The following ADAM23 variants were observed in gnomAD, a reference collection of about 807,000 sequenced individuals.
The protein encoded by ADAM23 is disintegrin and metalloproteinase domain-containing protein 23.
Under a neutral mutation model 120.1 loss-of-function variants are expected in ADAM23, and 33 were observed. That is an observed-to-expected ratio of 0.27 (90% CI 0.21 to 0.37). The LOEUF (loss-of-function observed/expected upper bound fraction) is 0.37. Among genes scored for constraint, ADAM23 ranks in the 10% least tolerant of loss-of-function variants. The pLI, the probability that ADAM23 is intolerant of heterozygous loss-of-function variation, is 1.00. For synonymous variants in ADAM23, 367 were observed against 375.2 expected (o/e 0.98, Z 0.25); for missense variants, 862 against 1,058.2 (o/e 0.81, Z 2.57).
At chr2:206,465,752 A>G (rs1045110980) in intron 2 of ADAM23, among the ~76,000 whole-genome samples, 1 of 152,124 alleles carries the variant, frequency 6.6e-6, no homozygotes, top group Non-Finnish European at 1.5e-5. Flanking sequence ...AGCACTGTGA[A>G]TTTTTTTAAA....
At chr2:206,575,960 G>A (rs929142754) in intron 18 of ADAM23, among the ~76,000 whole-genome samples, 1 of 151,614 alleles carries the variant, frequency 6.6e-6, no homozygotes, top group Non-Finnish European at 1.5e-5. Flanking sequence ...GAGAAAGAAG[G>A]GTTCCTAAGT....
At chr2:206,487,977 T>A (rs1696052881) in intron 3 of ADAM23, among the ~76,000 whole-genome samples, 1 of 152,210 alleles carries the variant, frequency 6.6e-6, no homozygotes, top group Non-Finnish European at 1.5e-5. Context: ...CAATCTTTAT[T>A]CTGATTTTCT....
intron 13 of ADAM23, 116 bp downstream of exon 13, chr2:206,562,409 C>A: frequency 1.5e-6 from 1 of 689,394 alleles, no homozygotes; most frequent in Non-Finnish European, 2.4e-6. Flanking sequence ...TGTAGTATAT[C>A]TCCTTCCTCT....
intron 3 of ADAM23, among the ~76,000 whole-genome samples, chr2:206,526,444 A>C (rs1025715958): frequency 6.6e-6 from 1 of 152,214 alleles, no homozygotes; most frequent in Admixed American, 6.5e-5. Flanking sequence ...ACTGCGATAT[A>C]GTGCAAGTTG....
chr2:206,544,731 G>A (rs1387764269), intron 6 of ADAM23, among the ~76,000 whole-genome samples: 1 of 151,674 alleles, frequency 6.6e-6, no homozygotes, highest in Non-Finnish European at 1.5e-5. Flanking sequence ...TCCTGCCTCA[G>A]CCTCCCAAGT....
chr2:206,596,498 T>C (rs1011946117), intron 24 of ADAM23, among the ~76,000 whole-genome samples: 4 of 152,254 alleles, frequency 2.6e-5, no homozygotes, highest in Non-Finnish European at 5.9e-5. Context: ...ATTTTTCTAA[T>C]AGATCAAATC....
intron 3 of ADAM23, among the ~76,000 whole-genome samples, chr2:206,501,252 A>G (rs1168728219): frequency 1.3e-5 from 2 of 152,058 alleles, no homozygotes; most frequent in Non-Finnish European, 2.9e-5. Flanking sequence ...ATCTCTTCTT[A>G]TCCCTATTGA....
chr2:206,595,012 C>G, intron 23 of ADAM23, 107 bp downstream of exon 23: 2 of 1,442,988 alleles, frequency 1.4e-6, no homozygotes, highest in Non-Finnish European at 1.9e-6. Flanking sequence ...GAAACACCAT[C>G]TCTACTAAAA....
intron 3 of ADAM23, among the ~76,000 whole-genome samples, chr2:206,522,866 T>A (rs1452076983): frequency 6.6e-6 from 1 of 151,980 alleles, no homozygotes; most frequent in Non-Finnish European, 1.5e-5. Context: ...GTAACCATGA[T>A]TCTGTCATAA....
At chr2:206,486,169 T>C (rs1438553173) in intron 3 of ADAM23, among the ~76,000 whole-genome samples, 1 of 152,190 alleles carries the variant, frequency 6.6e-6, no homozygotes, top group Non-Finnish European at 1.5e-5. Context: ...GTCAGATTTC[T>C]ATTTTATTTA....
chr2:206,455,943 C>T (rs968492977), intron 2 of ADAM23, among the ~76,000 whole-genome samples: 6 of 152,160 alleles, frequency 3.9e-5, no homozygotes, highest in African/African-American at 1.4e-4. Context: ...ATTTTCCTGT[C>T]TTCTTCTGAG....
At chr2:206,562,622 A>G (rs538833539) in intron 13 of ADAM23, among the ~76,000 whole-genome samples, 59 of 152,350 alleles carry the variant, frequency 3.9e-4, no homozygotes, top group Non-Finnish European at 7.1e-4. Flanking sequence ...AAGGTGCTAG[A>G]TAAAGCCTCC....
chr2:206,559,949 C>G lies in ADAM23; in HGVS notation c.1006-6C>G, dbSNP rs747936522. On this transcript the variant is annotated splice_region_variant and splice_polypyrimidine_tract_variant and intron_variant, in intron 10 of 25. Coordinates refer to ENST00000264377, the MANE Select transcript of ADAM23 (RefSeq NM_003812.4). ...CTCCTGCACCTGTCCTGTTGTATAC[C>G]CTCAGATTTACAAGGAGCAGCTCAA... 1.2e-6 allele frequency: 2 copies of G among 1,610,736 alleles called. No homozygotes were observed. The highest frequency in any genetic ancestry group is 1.7e-6 in the Non-Finnish European group (2 of 1,178,540).
chr2:206,475,890 G>A (rs534545733), intron 2 of ADAM23, among the ~76,000 whole-genome samples: 1 of 152,172 alleles, frequency 6.6e-6, no homozygotes, highest in East Asian at 1.9e-4. Context: ...GAAAAGAACC[G>A]TATGCAACAA....
At chr2:206,588,044 A>G in intron 19 of ADAM23, 47 bp from the exon 20 acceptor site, 1 of 1,601,304 alleles carries the variant, frequency 6.2e-7, no homozygotes, top group Non-Finnish European at 8.6e-7. Flanking sequence ...AACATTGGGG[A>G]AGACAAACTG....
chr2:206,592,843 G>C (rs1698451427), intron 22 of ADAM23, 107 bp downstream of exon 22: 2 of 1,353,542 alleles, frequency 1.5e-6, no homozygotes, highest in South Asian at 1.4e-5. Flanking sequence ...GTTTTTACAA[G>C]AGGAAAGTTA....
intron 3 of ADAM23, among the ~76,000 whole-genome samples, chr2:206,483,193 A>T (rs41344245): frequency 6.6e-6 from 1 of 152,148 alleles, no homozygotes; most frequent in Admixed American, 6.5e-5. Flanking sequence ...GGATTGCTCC[A>T]TGTGGATAAC....
intron 2 of ADAM23, among the ~76,000 whole-genome samples, chr2:206,455,377 C>T (rs1372107926): frequency 1.3e-5 from 2 of 152,128 alleles, no homozygotes; most frequent in Non-Finnish European, 2.9e-5. Context: ...CAGGTCTGGC[C>T]CAAGAAACCA....
intron 3 of ADAM23, among the ~76,000 whole-genome samples, chr2:206,516,984 A>G (rs72935498): frequency 0.051 from 7,818 of 152,162 alleles, 295 homozygotes; most frequent in Middle Eastern, 0.11. Context: ...GTCTTACAAT[A>G]GTAAGCTTGC....
Sources: gnomAD v4.1 joint callset for allele counts (sites outside exome capture counted in the v4.1 genomes callset) on GRCh38, gnomAD v4.1.1 for gene constraint, MANE v1.5 for transcripts, NCBI Gene and HGNC (gene_info 2026-07-23, HGNC 2026-07-21) for gene names.